Variants in TEKT5 observed in about 807,000 individuals in gnomAD.
TEKT5 encodes tektin-5.
A neutral mutation model predicts 48.7 loss-of-function variants in TEKT5; 52 were observed. The ratio of observed to expected loss-of-function variants is 1.07; its 90% CI spans 0.86 to 1.35. The LOEUF (loss-of-function observed/expected upper bound fraction) is 1.35. TEKT5 is among the 40% of genes most tolerant of loss of function. TEKT5 has a pLI of 0.00. For missense variants in TEKT5, 831 were observed against 641.6 expected, an observed-to-expected ratio of 1.30 and a Z score of -3.19; for synonymous variants, 318 against 267.6, an observed-to-expected ratio of 1.19 and a Z score of -1.84.
chr16:10,685,332 C>T (rs961020255), intron 3 of TEKT5, among the ~76,000 whole-genome samples: 4 of 152,162 alleles, frequency 2.6e-5, no homozygotes, highest in African/African-American at 9.7e-5. Context: ...GACAGTCTTG[C>T]TCTGTGGCCC....
chr16:10,658,739 A>G lies in TEKT5; in HGVS notation c.1086+17220T>C, dbSNP rs188265817. ...ATTTCTTTTTCTTTTTTTTTTTGAG[A>G]CAGAGTCTCACTCTGTCACCCAGGC... is the stretch of plus-strand genomic sequence containing the variant. On this transcript the variant is annotated intron_variant, in intron 5 of 6. Transcript: ENST00000283025. Among the ~76,000 whole-genome samples, 8 of 136,922 alleles carry G rather than the reference A, an allele frequency of 5.8e-5. No individual in the cohort carries two copies. The South Asian group carries it at 1.2e-3, about 20-fold the overall frequency. The allele number at this position is 136,922 out of a possible 152,430, so 89.8% of individuals were successfully genotyped here.
At chr16:10,657,397 G>A (rs944330152) in intron 5 of TEKT5, among the ~76,000 whole-genome samples, 4 of 152,030 alleles carry the variant, frequency 2.6e-5, no homozygotes, top group Admixed American at 2.6e-4. Flanking sequence ...CAAAGTGCTA[G>A]GATTACAGGC....
At chr16:10,636,102 C>T (rs1368749066) in intron 5 of TEKT5, among the ~76,000 whole-genome samples, 184 bp from the exon 6 acceptor site, 1 of 152,078 alleles carries the variant, frequency 6.6e-6, no homozygotes, top group African/African-American at 2.4e-5. Context: ...AGGCTGGGCG[C>T]GGTGGCTCAT....
At chr16:10,678,160 G>A (rs67288689) in intron 4 of TEKT5, among the ~76,000 whole-genome samples, 19,533 of 152,120 alleles carry the variant, frequency 0.13, 1,353 homozygotes, top group African/African-American at 0.18. Context: ...CTTGAGTGGC[G>A]GGATCTCGGC....
At chr16:10,683,747 C>T (rs7191993) in intron 3 of TEKT5, among the ~76,000 whole-genome samples, 63,123 of 151,556 alleles carry the variant, frequency 0.42, 13,614 homozygotes, top group East Asian at 0.61. Flanking sequence ...CCCGCCACCA[C>T]TCCCGGCTGA....
intron 5 of TEKT5, among the ~76,000 whole-genome samples, chr16:10,674,022 C>T (rs989617569): frequency 3.9e-5 from 6 of 152,136 alleles, no homozygotes; most frequent in Non-Finnish European, 7.4e-5. Context: ...AAAGGACAAG[C>T]TTGGATCCAA....
intron 5 of TEKT5, among the ~76,000 whole-genome samples, chr16:10,639,864 C>T (rs1454790057): frequency 6.6e-6 from 1 of 152,162 alleles, no homozygotes; most frequent in Non-Finnish European, 1.5e-5. Context: ...CTTCTGTGTC[C>T]CCTCTGCATC....
intron 5 of TEKT5, among the ~76,000 whole-genome samples, chr16:10,644,077 C>T (rs1898034007): frequency 1.3e-5 from 2 of 152,230 alleles, no homozygotes; most frequent in Non-Finnish European, 2.9e-5. Flanking sequence ...ATCAATTTCA[C>T]ATTTTTCGCT....
chr16:10,641,099 C>T (rs1406342692), intron 5 of TEKT5, among the ~76,000 whole-genome samples: 4 of 151,116 alleles, frequency 2.6e-5, no homozygotes, highest in South Asian at 2.1e-4. Context: ...GCAGTATTCA[C>T]GACTGCCAGT....
At position 10,694,504 on chromosome 16, in the gene TEKT5, G is replaced by C. The variant is rs755907836; in HGVS notation, c.370C>G (p.Gln124Glu). ...RLTDDSMRLLQDKDQLTHQMQ... is the reference protein window; with the variant it reads ...RLTDDSMRLLEDKDQLTHQMQ... ...TGGTGCGTCAGCTGGTCCTTGTCCT[G>C]CAAGAGCCTCATGGAGTCATCCGTC... Residue 124 changes from glutamine (Q) to glutamate (E), a missense_variant, in exon 1 of 7, where the codon CAG (glutamine) becomes GAG (glutamate). Coordinates refer to ENST00000283025, the MANE Select transcript of TEKT5 (RefSeq NM_144674.2). 8 of 1,612,730 alleles carry C rather than the reference G, an allele frequency of 5.0e-6. No individual in the cohort carries two copies. Among genetic ancestry groups the C allele is most frequent in the Non-Finnish European group, 5.9e-6 (7 of 1,179,388 alleles).
intron 5 of TEKT5, among the ~76,000 whole-genome samples, chr16:10,658,369 A>C (rs1177803956): frequency 6.6e-6 from 1 of 152,230 alleles, no homozygotes; most frequent in Non-Finnish European, 1.5e-5. Flanking sequence ...AGGATGGATC[A>C]ATTGTGGAAT....
chr16:10,674,990 A>T (rs1898619075), intron 5 of TEKT5, among the ~76,000 whole-genome samples: 1 of 151,920 alleles, frequency 6.6e-6, no homozygotes, highest in Non-Finnish European at 1.5e-5. Flanking sequence ...ACACCTGGCT[A>T]ATTTTTTCTA....
chr16:10,667,757 A>G (rs1596411946), intron 5 of TEKT5, among the ~76,000 whole-genome samples: 1 of 152,320 alleles, frequency 6.6e-6, no homozygotes, highest in East Asian at 1.9e-4. Context: ...AGCCTGTTTC[A>G]GGCTTTAACA....
At chr16:10,689,778 T>C (rs906030208) in intron 2 of TEKT5, among the ~76,000 whole-genome samples, 164 bp downstream of exon 2, 4 of 152,064 alleles carry the variant, frequency 2.6e-5, no homozygotes, top group African/African-American at 9.7e-5. Flanking sequence ...TTACTCCCTG[T>C]TCCTAAATTG....
At chr16:10,645,308 G>A (rs537895771) in intron 5 of TEKT5, among the ~76,000 whole-genome samples, 1 of 151,786 alleles carries the variant, frequency 6.6e-6, no homozygotes. Context: ...CCAGGAGTTC[G>A]AGACCAGCCT....
In TEKT5 at chr16:10,694,402, C is replaced by T. The variant is rs1567238741; in HGVS notation, c.472G>A (p.Glu158Lys). Residue 158 changes from glutamate (E) to lysine (K), a missense_variant, in exon 1 of 7, where the codon GAG (glutamate) becomes AAG (lysine). By Grantham distance (56) the Glu-to-Lys change is moderately conservative. Coordinates refer to ENST00000283025, the MANE Select transcript of TEKT5 (RefSeq NM_144674.2). ...IGFWKSELSY[E>K]LDRLLTENQN... Reference sequence around the variant, plus strand: ...TTCTCAGTCAGAAGCCTGTCCAGCTCATAGCTCAGCTCTGACTTCCAGAAG... The same window carrying T: ...TTCTCAGTCAGAAGCCTGTCCAGCTTATAGCTCAGCTCTGACTTCCAGAAG... 1 of 1,614,170 alleles carries T rather than the reference C, an allele frequency of 6.2e-7. No individual in the cohort carries two copies. The highest frequency in any genetic ancestry group is 8.5e-7 in the Non-Finnish European group (1 of 1,180,048).
rs777066325 is a variant in TEKT5 at position 10,676,189 on chromosome 16, G to C, written c.864-8C>G. 1 of 1,613,818 alleles carries C rather than the reference G, an allele frequency of 6.2e-7. No homozygotes were observed. Among genetic ancestry groups the C allele is most frequent in the African/African-American group, 1.3e-5 (1 of 74,930 alleles). ...GTCTCAGGTACGGAGATCCTGCAAA[G>C]GCACAAGGGTGAGTTGCAGCAGTCC... On this transcript the variant is annotated splice_region_variant and splice_polypyrimidine_tract_variant and intron_variant, in intron 4 of 6. Transcript: ENST00000283025.
intron 4 of TEKT5, among the ~76,000 whole-genome samples, chr16:10,677,742 A>ACCACCCTGGGCAATGT (rs1555467156): frequency 1.5e-4 from 22 of 151,464 alleles, no homozygotes; most frequent in East Asian, 1.9e-4. Flanking sequence ...TGTGTCTGGG[A>ACCACCCTGGGCAATGT]GGGAGGTAGC....
chr16:10,664,435 A>G (rs1477867583), intron 5 of TEKT5, among the ~76,000 whole-genome samples: 1 of 152,252 alleles, frequency 6.6e-6, no homozygotes, highest in Non-Finnish European at 1.5e-5. Context: ...TTTCTAACAA[A>G]TTCCCAGGTA....
Sources: allele counts gnomAD v4.1 joint callset (sites outside exome capture counted in the v4.1 genomes callset), GRCh38; gene constraint gnomAD v4.1.1; transcripts MANE v1.5; gene names NCBI Gene and HGNC (gene_info 2026-07-23, HGNC 2026-07-21).